Variants in RGS21 observed in about 807,000 individuals in gnomAD.
The protein encoded by RGS21 is regulator of G protein signaling 21, also known as regulator of G-protein signalling 21.
RGS21 carries 19 observed loss-of-function variants against 18.7 expected under a neutral mutation model. The ratio of observed to expected loss-of-function variants is 1.01; its 90% CI spans 0.71 to 1.49. The LOEUF is 1.49. Ranked by LOEUF, RGS21 falls within the 40% of genes most tolerant of loss-of-function variation. The pLI, the probability that RGS21 is intolerant of heterozygous loss-of-function variation, is 0.00. For missense variants in RGS21, 194 were observed against 176.8 expected (o/e 1.10, Z -0.55); for synonymous variants, 56 against 57.8 (o/e 0.97, Z 0.14).
chr1:192,352,007 GTATGCTAT>G lies in RGS21; in HGVS notation c.89-36_89-29del, dbSNP rs777990323. On this transcript the variant is annotated intron_variant, in intron 3 of 4. Coordinates refer to ENST00000417209, the MANE Select transcript of RGS21 (RefSeq NM_001039152.3). ...CTCATTTTGGTCATATTACTACTCT[GTATGCTAT>G]TATACAAAACTTTTTCTCATATATT... The G allele has an allele frequency of 5.5e-5, 70 of 1,279,828 alleles. No individual in the cohort carries two copies. In the East Asian group the frequency reaches 1.3e-3, roughly 23 times the overall value. 79.3% of individuals were successfully genotyped at this position (1,279,828 alleles called of 1,614,324 possible). A position where few individuals can be genotyped will look rare whatever the true frequency, so the allele number is the denominator to read the frequency against.
At chr1:192,322,774 A>G (rs1162628072) in intron 1 of RGS21, among the ~76,000 whole-genome samples, 1 of 152,092 alleles carries the variant, frequency 6.6e-6, no homozygotes, top group Admixed American at 6.6e-5. Context: ...TTAAACTAAG[A>G]TTCTAATAAC....
At chr1:192,357,402 AAAG>A (rs1659126098) in intron 4 of RGS21, among the ~76,000 whole-genome samples, 1 of 151,910 alleles carries the variant, frequency 6.6e-6, no homozygotes, top group South Asian at 2.1e-4. Flanking sequence ...CTCTCCTTCA[AAAG>A]AAGAAAGGGA....
intron 1 of RGS21, among the ~76,000 whole-genome samples, chr1:192,327,200 A>G (rs1018194748): frequency 4.6e-5 from 7 of 152,146 alleles, no homozygotes; most frequent in African/African-American, 1.4e-4. Flanking sequence ...AGAGGTGGAT[A>G]TGGGTATTAC....
In RGS21 at chr1:192,343,178, T is replaced by C. The variant is rs144658224; in HGVS notation, c.11+131T>C. On this transcript the variant is annotated intron_variant, in intron 2 of 4. Coordinates refer to ENST00000417209, the MANE Select transcript of RGS21 (RefSeq NM_001039152.3). ...GCTAATTGTTGTCTTCCTGATTTTT[T>C]CTCCTTTCTCTACTGATTTCTTCTT... is the stretch of plus-strand genomic sequence containing the variant. 1,247 of 899,896 alleles carry C rather than the reference T, an allele frequency of 1.4e-3. 13 individuals carry two copies. In the African/African-American group the frequency reaches 0.019, roughly 14 times the overall value. The allele number at this position is 899,896 out of a possible 1,614,324, so 55.7% of individuals were successfully genotyped here.
At chr1:192,346,057 T>A (rs1340053099) in intron 2 of RGS21, among the ~76,000 whole-genome samples, 1 of 151,894 alleles carries the variant, frequency 6.6e-6, no homozygotes, top group Non-Finnish European at 1.5e-5. Flanking sequence ...TCCCCAAGAT[T>A]TAGTAAGTCA....
At chr1:192,362,530 T>C (rs994271001) in intron 4 of RGS21, among the ~76,000 whole-genome samples, 8 of 152,206 alleles carry the variant, frequency 5.3e-5, no homozygotes, top group African/African-American at 1.9e-4. Flanking sequence ...TGAACAACTT[T>C]AAGAAATATA....
At chr1:192,365,793 C>G in intron 4 of RGS21, 128 bp from the exon 5 acceptor site, 1 of 569,774 alleles carries the variant, frequency 1.8e-6, no homozygotes, top group Non-Finnish European at 3.0e-6. Flanking sequence ...AAAATGAATA[C>G]ATGAACTTTC....
intron 4 of RGS21, among the ~76,000 whole-genome samples, chr1:192,358,761 C>T (rs186294650): frequency 3.9e-5 from 6 of 152,190 alleles, no homozygotes; most frequent in African/African-American, 1.2e-4. Flanking sequence ...CCAACAGGTA[C>T]ACTTTAAAAT....
chr1:192,353,602 G>A (rs1339070650), intron 4 of RGS21, among the ~76,000 whole-genome samples: 1 of 151,652 alleles, frequency 6.6e-6, no homozygotes, highest in Non-Finnish European at 1.5e-5. Flanking sequence ...TTGAAACATT[G>A]TGTGTGAAAA....
At chr1:192,339,225 T>TA (rs377446626) in intron 1 of RGS21, among the ~76,000 whole-genome samples, 4,712 of 145,628 alleles carry the variant, frequency 0.032, 101 homozygotes, top group Non-Finnish European at 0.055. Context: ...CATTTTTTTT[T>TA]AAAAAAAAAG....
chr1:192,329,098 T>A (rs1658610025), intron 1 of RGS21, among the ~76,000 whole-genome samples: 1 of 152,046 alleles, frequency 6.6e-6, no homozygotes. Context: ...GGGTTATAAG[T>A]TTTTCGATAC....
intron 1 of RGS21, among the ~76,000 whole-genome samples, chr1:192,339,186 C>G (rs1658814631): frequency 6.6e-6 from 1 of 151,494 alleles, no homozygotes. Context: ...TTATGACATT[C>G]TTACTTGGAT....
At chr1:192,348,706 G>A (rs1658991644) in intron 3 of RGS21, among the ~76,000 whole-genome samples, 1 of 151,926 alleles carries the variant, frequency 6.6e-6, no homozygotes, top group African/African-American at 2.4e-5. Flanking sequence ...TAAATAATCT[G>A]CAATTCTATC....
chr1:192,344,652 A>C lies in RGS21; in HGVS notation c.11+1605A>C, dbSNP rs578016333. On this transcript the variant is annotated intron_variant, in intron 2 of 4. Coordinates refer to ENST00000417209, the MANE Select transcript of RGS21 (RefSeq NM_001039152.3). ...CCAAAATTTACAAATTTAACTGGCA[A>C]CAAACAAGCATTACTCCTTAAAATA... is the stretch of plus-strand genomic sequence containing the variant. Among the ~76,000 whole-genome samples the C allele has an allele frequency of 3.3e-5, 5 of 152,278 alleles. No homozygotes were observed. In the East Asian group the frequency reaches 7.7e-4, roughly 23 times the overall value.
chr1:192,320,793 G>C (rs1243222124), intron 1 of RGS21, among the ~76,000 whole-genome samples: 8 of 151,904 alleles, frequency 5.3e-5, no homozygotes, highest in Non-Finnish European at 8.8e-5. Flanking sequence ...TTAGCTAACT[G>C]ACTAAAAATA....
At chr1:192,326,265 T>C (rs539948709) in intron 1 of RGS21, among the ~76,000 whole-genome samples, 1 of 152,174 alleles carries the variant, frequency 6.6e-6, no homozygotes, top group South Asian at 2.1e-4. Context: ...ATTAAGCCAT[T>C]ATGATATAAA....
rs977035262 is a variant in RGS21 at position 192,366,609 on chromosome 1, T to C, written c.*485T>C. ...CCAACTATTTCTAATAATGTGGTTATGAAAACTGCTACGCCTCTCAAATTA... is the reference window on the plus strand; with the variant it reads ...CCAACTATTTCTAATAATGTGGTTACGAAAACTGCTACGCCTCTCAAATTA... On this transcript the variant is annotated 3_prime_UTR_variant, in exon 5 of 5. Transcript: ENST00000417209. The C allele has an allele frequency of 6.5e-6, 1 of 152,744 alleles. No individual in the cohort carries two copies. The highest frequency in any genetic ancestry group is 6.5e-5 in the Admixed American group (1 of 15,268). 9.5% of individuals were successfully genotyped at this position (152,744 alleles called of 1,614,324 possible). A position where few individuals can be genotyped will look rare whatever the true frequency, so the allele number is the denominator to read the frequency against.
intron 4 of RGS21, among the ~76,000 whole-genome samples, chr1:192,356,633 TG>T (rs1183025525): frequency 1.3e-5 from 2 of 151,732 alleles, no homozygotes; most frequent in East Asian, 3.9e-4. Context: ...AACTGAGTCT[TG>T]GGGGAAGAAA....
Position 192,347,972 on chromosome 1 carries a change from C to CTGTG in RGS21, c.88+599_88+602dup, listed in dbSNP as rs562560592. ...AGCCACTGTGCCAGCCCTAGGCTCG[C>CTGTG]TGTGTGTGTGTGTGTGTGTATACAC... On this transcript the variant is annotated intron_variant, in intron 3 of 4. Coordinates refer to ENST00000417209, the MANE Select transcript of RGS21 (RefSeq NM_001039152.3). 1.3e-4 allele frequency among the ~76,000 whole-genome samples: 20 copies of CTGTG among 148,314 alleles called. 1 individual carries two copies. The highest frequency in any genetic ancestry group is 6.4e-4 in the South Asian group (3 of 4,688).
Sources: gnomAD v4.1 joint callset for allele counts (sites outside exome capture counted in the v4.1 genomes callset) on GRCh38, gnomAD v4.1.1 for gene constraint, MANE v1.5 for transcripts, NCBI Gene and HGNC (gene_info 2026-07-23, HGNC 2026-07-21) for gene names.